NAALADL2: variants seen among roughly 807,000 people sequenced by gnomAD.
NAALADL2 encodes inactive N-acetylated-alpha-linked acidic dipeptidase-like protein 2.
NAALADL2 carries 76 observed loss-of-function variants against 87.2 expected under a neutral mutation model. That is an observed-to-expected ratio of 0.87 (90% CI 0.72 to 1.05). The LOEUF (loss-of-function observed/expected upper bound fraction) is 1.05, where lower values mean the gene tolerates loss of function less well. NAALADL2 is among the 50% of genes least tolerant of loss of function. The probability of loss-of-function intolerance (pLI) is 0.00; values close to 1 mark genes in which losing one functional copy is unlikely to be tolerated. For synonymous variants in NAALADL2, 354 were observed against 331.0 expected (o/e 1.07, Z -0.75); for missense variants, 1,089 against 945.8 (o/e 1.15, Z -1.99).
intron 2 of NAALADL2, among the ~76,000 whole-genome samples, chr3:174,612,416 A>G (rs966404991): frequency 6.6e-6 from 1 of 152,108 alleles, no homozygotes; most frequent in Non-Finnish European, 1.5e-5. Context: ...TAAGGCCGAT[A>G]ACTCTTAGAT....
At chr3:175,387,067 A>G (rs2149005073) in intron 5 of NAALADL2, among the ~76,000 whole-genome samples, 1 of 152,210 alleles carries the variant, frequency 6.6e-6, no homozygotes, top group South Asian at 2.1e-4. Context: ...GTGAAGTGGG[A>G]AAATTTTTTT....
chr3:175,209,082 G>A (rs1323974241), intron 2 of NAALADL2, among the ~76,000 whole-genome samples: 1 of 152,104 alleles, frequency 6.6e-6, no homozygotes, highest in African/African-American at 2.4e-5. Context: ...TTCTGTGAAT[G>A]TTTGATCTCC....
chr3:174,778,407 A>C (rs1453510751), intron 3 of NAALADL2, among the ~76,000 whole-genome samples: 3 of 152,100 alleles, frequency 2.0e-5, no homozygotes, highest in Non-Finnish European at 2.9e-5. Flanking sequence ...ACTTTGAAAG[A>C]GGGATTTTTA....
At chr3:175,362,642 T>C (rs1765160560) in intron 5 of NAALADL2, among the ~76,000 whole-genome samples, 1 of 148,496 alleles carries the variant, frequency 6.7e-6, no homozygotes, top group Non-Finnish European at 1.5e-5. Flanking sequence ...GCTATAAACA[T>C]GCATGTTGAA....
At chr3:174,991,278 A>G (rs1746706208) in intron 1 of NAALADL2, among the ~76,000 whole-genome samples, 1 of 152,058 alleles carries the variant, frequency 6.6e-6, no homozygotes, top group South Asian at 2.1e-4. Flanking sequence ...CCTTGCTTTC[A>G]TGGAGCTTAC....
chr3:175,517,815 G>A (rs1313885960), intron 9 of NAALADL2, among the ~76,000 whole-genome samples: 1 of 152,134 alleles, frequency 6.6e-6, no homozygotes, highest in East Asian at 1.9e-4. Context: ...ATTCCAGCCC[G>A]TGGCGGAGTA....
intron 12 of NAALADL2, among the ~76,000 whole-genome samples, chr3:175,753,685 G>C (rs35298647): frequency 0.18 from 27,902 of 152,054 alleles, 3,180 homozygotes; most frequent in African/African-American, 0.32. Context: ...ATTCTTGGCT[G>C]TGCCCCTAGA....
At chr3:174,523,787 T>A (rs2108419995) in intron 1 of NAALADL2, among the ~76,000 whole-genome samples, 1 of 152,316 alleles carries the variant, frequency 6.6e-6, no homozygotes, top group East Asian at 1.9e-4. Flanking sequence ...AATTGCCAGG[T>A]CATTGCCAAT....
chr3:175,356,791 AC>A, intron 5 of NAALADL2, among the ~76,000 whole-genome samples: 1 of 152,020 alleles, frequency 6.6e-6, no homozygotes, highest in African/African-American at 2.4e-5. Context: ...GGAAAAAGTG[AC>A]TTTGAGGATG....
At chr3:175,636,699 AAAAAAAAAAAAAAAAG>A (rs1044486573) in intron 11 of NAALADL2, among the ~76,000 whole-genome samples, 1 of 149,886 alleles carries the variant, frequency 6.7e-6, no homozygotes, top group African/African-American at 2.4e-5. Flanking sequence ...CTCCATCTAA[AAAAAAAAAAAAAAAAG>A]AAAAAAAAAG....
At chr3:175,157,403 G>A (rs938003450) in intron 2 of NAALADL2, among the ~76,000 whole-genome samples, 1 of 152,004 alleles carries the variant, frequency 6.6e-6, no homozygotes, top group East Asian at 1.9e-4. Context: ...AAAATGTAAA[G>A]AATAATACCA....
At chr3:174,461,829 CTG>C (rs971558381) in intron 1 of NAALADL2, among the ~76,000 whole-genome samples, 10 of 151,848 alleles carry the variant, frequency 6.6e-5, no homozygotes, top group East Asian at 1.9e-4. Flanking sequence ...CCCTCCCACA[CTG>C]TGTGTGTGTA....
chr3:175,617,451 G>T (rs1387299667), intron 10 of NAALADL2, among the ~76,000 whole-genome samples: 2 of 152,162 alleles, frequency 1.3e-5, no homozygotes, highest in African/African-American at 4.8e-5. Flanking sequence ...GGACAGGGTG[G>T]AGGCGGCTTC....
intron 1 of NAALADL2, among the ~76,000 whole-genome samples, chr3:174,981,755 G>T (rs1054114979): frequency 6.6e-6 from 1 of 152,054 alleles, no homozygotes; most frequent in Non-Finnish European, 1.5e-5. Flanking sequence ...TACAGTGTCA[G>T]TTGGTGACTC....
At chr3:175,151,221 T>A (rs1470216747) in intron 2 of NAALADL2, among the ~76,000 whole-genome samples, 1 of 152,188 alleles carries the variant, frequency 6.6e-6, no homozygotes, top group Non-Finnish European at 1.5e-5. Flanking sequence ...CCGCATATCA[T>A]GTGATCAACA....
At chr3:174,828,229 T>A (rs754318114) in intron 3 of NAALADL2, among the ~76,000 whole-genome samples, 1 of 151,624 alleles carries the variant, frequency 6.6e-6, no homozygotes. Context: ...AAAAGATGGA[T>A]TAGTCTTATA....
chr3:175,068,971 G>C (rs1454950074), intron 1 of NAALADL2, among the ~76,000 whole-genome samples: 1 of 151,884 alleles, frequency 6.6e-6, no homozygotes, highest in Non-Finnish European at 1.5e-5. Context: ...GTTTGGGGGA[G>C]GAGAGAGTTC....
At chr3:175,553,763 T>A (rs946307452) in intron 9 of NAALADL2, among the ~76,000 whole-genome samples, 1 of 152,014 alleles carries the variant, frequency 6.6e-6, no homozygotes, top group Non-Finnish European at 1.5e-5. Flanking sequence ...TAGTTATTTT[T>A]AAATATATTT....
chr3:174,681,515 T>C (rs530655451), intron 2 of NAALADL2, among the ~76,000 whole-genome samples: 1 of 151,990 alleles, frequency 6.6e-6, no homozygotes, highest in African/African-American at 2.4e-5. Context: ...CACAAAAGGA[T>C]AGGACTCCAA....
Sources: gnomAD v4.1 joint callset for allele counts (sites outside exome capture counted in the v4.1 genomes callset) on GRCh38, gnomAD v4.1.1 for gene constraint, MANE v1.5 for transcripts, NCBI Gene and HGNC (gene_info 2026-07-23, HGNC 2026-07-21) for gene names.